The following MOXD1 variants were observed in gnomAD, a reference collection of about 807,000 sequenced individuals.
The protein encoded by MOXD1 is DBH-like monooxygenase protein 1.
MOXD1 carries 62 observed loss-of-function variants against 66.6 expected under a neutral mutation model. That is an observed-to-expected ratio of 0.93 (90% CI 0.76 to 1.15). The LOEUF (loss-of-function observed/expected upper bound fraction) is 1.15, where lower values mean the gene tolerates loss of function less well. MOXD1 is among the 50% of genes most tolerant of loss of function. MOXD1 has a pLI of 0.00. For missense variants in MOXD1, 847 were observed against 754.6 expected, an observed-to-expected ratio of 1.12 and a Z score of -1.44; for synonymous variants, 303 against 281.9, an observed-to-expected ratio of 1.07 and a Z score of -0.75.
In MOXD1 at chr6:132,401,386, G is replaced by A; in HGVS notation, c.41C>T (p.Pro14Leu). The A allele has an allele frequency of 6.5e-7, 1 of 1,537,852 alleles. No individual in the cohort carries two copies. The highest frequency in any genetic ancestry group is 8.7e-7 in the Non-Finnish European group (1 of 1,147,878). The change falls in exon 1 of 12, where the codon CCC (proline) becomes CTC (leucine). Residue 14 changes from proline to leucine, a missense_variant. By Grantham distance (98) the Pro-to-Leu change is moderately conservative (BLOSUM62 -3). Transcript: ENST00000367963. ...GCCCGAGCCCCCCGCCGCCGTCCCG[G>A]GGAGCAGCCCCCACAGCAGGAGCAG... is the stretch of plus-strand genomic sequence containing the variant. The part of the protein sequence containing the change: ...WPLLLLWGLL[P>L]GTAAGGSGRT...
chr6:132,375,354 T>C (rs970710154), intron 1 of MOXD1, among the ~76,000 whole-genome samples: 3 of 152,192 alleles, frequency 2.0e-5, no homozygotes, highest in African/African-American at 7.2e-5. Context: ...AATTACACGA[T>C]ATTGAAAAAC....
At chr6:132,322,576 G>A (rs540786730) in intron 8 of MOXD1, 103 bp downstream of exon 8, 8 of 1,155,946 alleles carry the variant, frequency 6.9e-6, no homozygotes, top group Non-Finnish European at 9.7e-6. Flanking sequence ...GAATACAGAT[G>A]CAAGGAAAAA....
At chr6:132,305,769 G>T (rs142224909) in intron 10 of MOXD1, among the ~76,000 whole-genome samples, 7 of 152,092 alleles carry the variant, frequency 4.6e-5, no homozygotes, top group African/African-American at 1.7e-4. Context: ...ACAGAAGAGG[G>T]ACCTGACTGT....
At chr6:132,348,424 A>T (rs1230204901) in intron 4 of MOXD1, among the ~76,000 whole-genome samples, 1 of 152,234 alleles carries the variant, frequency 6.6e-6, no homozygotes, top group Non-Finnish European at 1.5e-5. Context: ...CCAAACTCAA[A>T]GATCAAGGTG....
Position 132,401,373 on chromosome 6 carries a change from C to CT in MOXD1, c.53_54insA (p.Ser21LeufsTer76). ...GCGGATAGGTTCGGCCCGAGCCCCCCGCCGCCGTCCCGGGGAGCAGCCCCC... is the reference window on the plus strand; with the variant it reads ...GCGGATAGGTTCGGCCCGAGCCCCCCTGCCGCCGTCCCGGGGAGCAGCCCCC... On this transcript the variant is annotated frameshift_variant, in exon 1 of 12. Coordinates refer to ENST00000367963, the MANE Select transcript of MOXD1 (RefSeq NM_015529.4). LOFTEE classifies it high-confidence loss of function. 2 of 1,544,182 alleles carry CT rather than the reference C, an allele frequency of 1.3e-6. No individual in the cohort carries two copies. The highest frequency in any genetic ancestry group is 1.7e-6 in the Non-Finnish European group (2 of 1,151,160).
chr6:132,381,289 A>C lies in MOXD1; in HGVS notation c.265-6512T>G, dbSNP rs555165089. 3.9e-5 allele frequency among the ~76,000 whole-genome samples: 6 copies of C among 152,368 alleles called. No individual in the cohort carries two copies. In the East Asian group the frequency reaches 1.2e-3, roughly 29 times the overall value. On this transcript the variant is annotated intron_variant, in intron 1 of 11. Transcript: ENST00000367963. ...TGTGGTATAGAAATAGTTTAACTTA[A>C]TGAGACCAAAGTATTCCCCAGTAGT... is the stretch of plus-strand genomic sequence containing the variant.
chr6:132,396,059 A>G (rs939544146), intron 1 of MOXD1, among the ~76,000 whole-genome samples: 5 of 152,220 alleles, frequency 3.3e-5, no homozygotes, highest in Admixed American at 6.5e-5. Context: ...ACATTTACAG[A>G]ACATTTCATC....
chr6:132,386,775 C>T (rs1168558009), intron 1 of MOXD1, among the ~76,000 whole-genome samples: 1 of 151,420 alleles, frequency 6.6e-6, no homozygotes, highest in Non-Finnish European at 1.5e-5. Flanking sequence ...TGCTCATGAT[C>T]TCACAATCTT....
At chr6:132,357,996 T>C (rs987633655) in intron 4 of MOXD1, among the ~76,000 whole-genome samples, 2 of 152,174 alleles carry the variant, frequency 1.3e-5, no homozygotes, top group African/African-American at 2.4e-5. Context: ...ATGACAATAT[T>C]TCACATCTAT....
rs1775103033 is a variant in MOXD1, at chr6:132,322,749, G to A, written c.1235C>T (p.Ala412Val). The A allele has an allele frequency of 6.2e-7, 1 of 1,613,842 alleles. No individual in the cohort carries two copies. The highest frequency in any genetic ancestry group is 1.1e-5 in the South Asian group (1 of 91,068). Residue 412 changes from alanine (A) to valine (V), a missense_variant, in exon 8 of 12, where the codon GCC becomes GTC. Ala to Val is a moderately conservative substitution (Grantham distance 64, BLOSUM62 0). Transcript: ENST00000367963. ...FRKGKEMKLL[A>V]YDDDFDFNFQ... ...ATTGAAGTCAAAATCATCATCATAG[G>A]CAAGTAATTTCATTTCCTTCCCTTT...
chr6:132,330,204 T>C, intron 4 of MOXD1, among the ~76,000 whole-genome samples: 1 of 152,168 alleles, frequency 6.6e-6, no homozygotes. Context: ...TGTTAGGAAC[T>C]AGGCCGCACA....
intron 4 of MOXD1, among the ~76,000 whole-genome samples, chr6:132,336,577 C>T (rs548902344): frequency 6.6e-6 from 1 of 152,276 alleles, no homozygotes; most frequent in East Asian, 1.9e-4. Flanking sequence ...GAAATGGCAT[C>T]TTTGCACCAC....
intron 4 of MOXD1, among the ~76,000 whole-genome samples, chr6:132,329,786 G>C (rs1050014367): frequency 9.2e-5 from 14 of 152,008 alleles, no homozygotes; most frequent in Non-Finnish European, 1.3e-4. Flanking sequence ...AAGTTTCCTT[G>C]CACATTTTAT....
intron 4 of MOXD1, among the ~76,000 whole-genome samples, chr6:132,354,917 G>A (rs1775883234): frequency 6.6e-6 from 1 of 152,056 alleles, no homozygotes; most frequent in South Asian, 2.1e-4. Flanking sequence ...GAGTCATGCA[G>A]GTTGCCAGGG....
chr6:132,385,262 A>C (rs1776602042), intron 1 of MOXD1, among the ~76,000 whole-genome samples: 1 of 151,968 alleles, frequency 6.6e-6, no homozygotes. Context: ...GAACATGTAG[A>C]CTGTTCTTAG....
chr6:132,307,027 C>T (rs1199140206), intron 10 of MOXD1, among the ~76,000 whole-genome samples: 1 of 152,110 alleles, frequency 6.6e-6, no homozygotes, highest in Non-Finnish European at 1.5e-5. Flanking sequence ...ACAATACTAA[C>T]CTTAAATGTA....
chr6:132,360,262 T>C (rs1775989865), intron 4 of MOXD1, among the ~76,000 whole-genome samples: 1 of 152,230 alleles, frequency 6.6e-6, no homozygotes, highest in Non-Finnish European at 1.5e-5. Context: ...ACTTTTTAAA[T>C]AGATCATCTT....
chr6:132,374,662 T>C lies in MOXD1; in HGVS notation c.380A>G (p.His127Arg), dbSNP rs1312044346. 1.9e-6 allele frequency: 3 copies of C among 1,614,016 alleles called. No homozygotes were observed. The highest frequency in any genetic ancestry group is 2.2e-5 in the East Asian group (1 of 44,852). The change falls in exon 2 of 12, where the codon CAT becomes CGT. Residue 127 changes from histidine to arginine, a missense_variant. Physicochemically the swap from His to Arg is conservative, Grantham distance 29. Transcript: ENST00000367963. ...ACTCTTGTCATTTATGTCACATGTA[T>C]GCAGCTCTCTGGTAAATTCAATTAT... ...HTIIEFTREL[H>R]TCDINDKSIT...
chr6:132,317,399 C>T (rs899259525), intron 9 of MOXD1, among the ~76,000 whole-genome samples: 5 of 152,036 alleles, frequency 3.3e-5, no homozygotes, highest in African/African-American at 1.2e-4. Context: ...TTTAATTTAT[C>T]CTTAAGTTAG....
Sources: gnomAD v4.1 joint callset for allele counts (sites outside exome capture counted in the v4.1 genomes callset) on GRCh38, gnomAD v4.1.1 for gene constraint, MANE v1.5 for transcripts, NCBI Gene and HGNC (gene_info 2026-07-23, HGNC 2026-07-21) for gene names.